Variants in PPP2R2C observed in about 807,000 individuals in gnomAD.
The protein encoded by PPP2R2C is protein phosphatase 2, regulatory subunit B, gamma.
PPP2R2C carries 10 observed loss-of-function variants against 45.3 expected under a neutral mutation model. The observed-to-expected ratio is 0.22, with a 90% CI of 0.14 to 0.37. The LOEUF is 0.37. Among genes scored for constraint, PPP2R2C ranks in the 10% least tolerant of loss-of-function variants. The probability of loss-of-function intolerance (pLI) is 1.00; values close to 1 mark genes in which losing one functional copy is unlikely to be tolerated. For missense variants in PPP2R2C, 308 were observed against 619.7 expected (o/e 0.50, Z 5.34); for synonymous variants, 257 against 245.4 (o/e 1.05, Z -0.44).
At chr4:6,469,094 A>G (rs1230924520) in intron 1 of PPP2R2C, among the ~76,000 whole-genome samples, 1 of 151,534 alleles carries the variant, frequency 6.6e-6, no homozygotes, top group East Asian at 1.9e-4. Context: ...AAAAAAAAAA[A>G]AAAAAAAAAA....
rs532843993 is a variant in PPP2R2C, at chr4:6,376,547, G to A, written c.335-616C>T. Among the ~76,000 whole-genome samples, 61 of 151,636 alleles carry A rather than the reference G, an allele frequency of 4.0e-4. 1 individual carries two copies. Among genetic ancestry groups the A allele is most frequent in the Admixed American group, 9.9e-4 (15 of 15,220 alleles). Reference sequence around the variant, plus strand: ...AGCTCACTACAGCCTTGACTTTACCGGTCTCAGATGATCCTTCAATCTCAG... The same window carrying A: ...AGCTCACTACAGCCTTGACTTTACCAGTCTCAGATGATCCTTCAATCTCAG... On this transcript the variant is annotated intron_variant, in intron 3 of 8. Coordinates refer to ENST00000382599, the MANE Select transcript of PPP2R2C (RefSeq NM_020416.4).
At chr4:6,421,764 A>G (rs191395952) in intron 1 of PPP2R2C, among the ~76,000 whole-genome samples, 3 of 150,282 alleles carry the variant, frequency 2.0e-5, no homozygotes, top group Admixed American at 2.0e-4. Context: ...CTGAGACTTG[A>G]AAAGAAGTCA....
intron 1 of PPP2R2C, among the ~76,000 whole-genome samples, chr4:6,409,699 C>T (rs1026245136): frequency 1.3e-5 from 2 of 152,170 alleles, no homozygotes; most frequent in African/African-American, 4.8e-5. Flanking sequence ...CATATCCCAG[C>T]CCTGGAGACA....
chr4:6,515,113 T>C (rs1723789670), intron 2 of PPP2R2C, among the ~76,000 whole-genome samples: 1 of 152,130 alleles, frequency 6.6e-6, no homozygotes, highest in African/African-American at 2.4e-5. Context: ...CCAACATATC[T>C]TTTGAGGGGA....
intron 1 of PPP2R2C, among the ~76,000 whole-genome samples, chr4:6,423,388 G>C (rs918494816): frequency 6.6e-6 from 1 of 152,154 alleles, no homozygotes; most frequent in Admixed American, 6.5e-5. Context: ...GTTTTTAGTA[G>C]AGACGAGGTT....
chr4:6,466,274 G>A (rs534929731), intron 1 of PPP2R2C, among the ~76,000 whole-genome samples: 5 of 152,252 alleles, frequency 3.3e-5, no homozygotes, highest in South Asian at 2.1e-4. Flanking sequence ...AGGCTCCCCC[G>A]TCCCATCAGA....
intron 1 of PPP2R2C, among the ~76,000 whole-genome samples, chr4:6,461,596 G>A (rs185265112): frequency 6.6e-5 from 10 of 152,296 alleles, no homozygotes; most frequent in East Asian, 5.8e-4. Flanking sequence ...CTGGAGCCCC[G>A]CATCACTCTG....
At chr4:6,386,910 T>C (rs975221158) in intron 1 of PPP2R2C, among the ~76,000 whole-genome samples, 2 of 152,046 alleles carry the variant, frequency 1.3e-5, no homozygotes, top group African/African-American at 4.8e-5. Context: ...AAGAACTAAA[T>C]GAAAATTCTA....
At chr4:6,470,933 CG>C (rs1285078895) in intron 1 of PPP2R2C, among the ~76,000 whole-genome samples, 1 of 151,594 alleles carries the variant, frequency 6.6e-6, no homozygotes, top group East Asian at 1.9e-4. Context: ...CTCTGCCTCC[CG>C]GGCCAGGGCG....
At chr4:6,514,863 C>T (rs1050565233) in intron 2 of PPP2R2C, among the ~76,000 whole-genome samples, 1 of 152,214 alleles carries the variant, frequency 6.6e-6, no homozygotes, top group African/African-American at 2.4e-5. Context: ...ACGCCTAGCT[C>T]AGCTTCAGGT....
chr4:6,523,569 C>T (rs970922995), intron 2 of PPP2R2C: 2 of 152,184 alleles, frequency 1.3e-5, no homozygotes, highest in Non-Finnish European at 2.9e-5. Flanking sequence ...AAATGCAAAG[C>T]GAGTGTTGGC....
intron 2 of PPP2R2C, among the ~76,000 whole-genome samples, chr4:6,509,972 C>T (rs1294048979): frequency 6.6e-6 from 1 of 152,182 alleles, no homozygotes; most frequent in Non-Finnish European, 1.5e-5. Context: ...ATGTCATTTC[C>T]ACAAGTGTCC....
chr4:6,523,167 G>A (rs138292519), intron 2 of PPP2R2C, among the ~76,000 whole-genome samples: 48 of 152,314 alleles, frequency 3.2e-4, no homozygotes, highest in African/African-American at 4.6e-4. Context: ...CAAGTGCTGC[G>A]GAGGGGCAAG....
At chr4:6,509,695 C>G (rs1723363907) in intron 2 of PPP2R2C, among the ~76,000 whole-genome samples, 1 of 152,244 alleles carries the variant, frequency 6.6e-6, no homozygotes, top group African/African-American at 2.4e-5. Context: ...CCACCCTGAA[C>G]TCACTTATCC....
At chr4:6,466,576 G>A (rs1721606717) in intron 1 of PPP2R2C, among the ~76,000 whole-genome samples, 1 of 152,068 alleles carries the variant, frequency 6.6e-6, no homozygotes. Flanking sequence ...GTTGCTGAGA[G>A]TATGTCCCTC....
At chr4:6,534,711 C>T (rs532895771) in intron 2 of PPP2R2C, among the ~76,000 whole-genome samples, 16 of 152,246 alleles carry the variant, frequency 1.1e-4, no homozygotes, top group South Asian at 2.1e-4. Flanking sequence ...CTCCCTCGGG[C>T]GCCTTCCTGC....
intron 1 of PPP2R2C, among the ~76,000 whole-genome samples, chr4:6,457,043 T>A (rs1033595786): frequency 3.9e-5 from 6 of 152,004 alleles, no homozygotes; most frequent in African/African-American, 1.4e-4. Flanking sequence ...ATTCCGTCTC[T>A]ACTAAAAATA....
chr4:6,331,999 T>A lies in PPP2R2C; in HGVS notation c.960+1563A>T, dbSNP rs530130957. 6.6e-6 allele frequency among the ~76,000 whole-genome samples: 1 copy of A among 152,244 alleles called. No individual in the cohort carries two copies. The highest frequency in any genetic ancestry group is 1.9e-4 in the East Asian group (1 of 5,206). Reference sequence around the variant, plus strand: ...GCATCAATAGGTCAGCTGGGCCAGATGCCAAGTGCCCAGCTTACGGCCTCA... The same window carrying A: ...GCATCAATAGGTCAGCTGGGCCAGAAGCCAAGTGCCCAGCTTACGGCCTCA... On this transcript the variant is annotated intron_variant, in intron 7 of 8. Coordinates refer to ENST00000382599, the MANE Select transcript of PPP2R2C (RefSeq NM_020416.4). The surrounding 1 kb of genome is among the most constrained non-coding windows in gnomAD (Gnocchi z 5.9).
chr4:6,510,998 CA>C (rs1190184264), intron 2 of PPP2R2C, among the ~76,000 whole-genome samples: 1,230 of 77,172 alleles, frequency 0.016, 85 homozygotes, highest in African/African-American at 0.048. Context: ...AACAAACAAA[CA>C]AAAAAAAAAA....
Sources: allele counts gnomAD v4.1 joint callset (sites outside exome capture counted in the v4.1 genomes callset), GRCh38; gene constraint gnomAD v4.1.1; non-coding constraint Gnocchi (gnomAD v3.1); transcripts MANE v1.5; gene names NCBI Gene and HGNC (gene_info 2026-07-23, HGNC 2026-07-21).